Variants in CCDC197 observed in about 807,000 individuals in gnomAD.
CCDC197 encodes uncharacterized protein CCDC197.
In CCDC197, 24 loss-of-function variants were observed where a neutral mutation model predicts 13.4. The observed-to-expected ratio is 1.80, with a 90% CI of 1.30 to 2.53. The LOEUF is 2.53. Ranked by LOEUF, CCDC197 falls within the 30% of genes most tolerant of loss-of-function variation. The pLI is 0.00. For synonymous variants in CCDC197, 99 were observed against 55.5 expected (o/e 1.78, Z -3.48); for missense variants, 255 against 148.8 (o/e 1.71, Z -3.71).
Position 94,008,559 on chromosome 14 carries a change from C to T in CCDC197, c.616-50C>T, listed in dbSNP as rs545046808. On this transcript the variant is annotated intron_variant, in intron 6 of 6. Transcript: ENST00000636493. Reference sequence around the variant, plus strand: ...TGATGCTTTGGTACCTAGAAAGCAGCGTCCAGAGGCCAAAACACTGTCAGG... The same window carrying T: ...TGATGCTTTGGTACCTAGAAAGCAGTGTCCAGAGGCCAAAACACTGTCAGG... 35 of 684,166 alleles carry T rather than the reference C, an allele frequency of 5.1e-5. 1 individual carries two copies. Among genetic ancestry groups the T allele is most frequent in the Admixed American group, 1.0e-4 (5 of 49,534 alleles). The allele number at this position is 684,166 out of a possible 1,614,324, so 42.4% of individuals were successfully genotyped here.
chr14:94,009,302 C>T (rs115831733), downstream of CCDC197, among the ~76,000 whole-genome samples: 12 of 152,280 alleles, frequency 7.9e-5, no homozygotes, highest in African/African-American at 2.9e-4. Flanking sequence ...TCACTTTCTT[C>T]CAGAAGTTGA....
In CCDC197 at chr14:94,001,293, T is replaced by C. The variant is rs768677287; in HGVS notation, c.336T>C (p.Ser112=). The change falls in exon 4 of 7, where the codon TCT becomes TCC. Residue 112 remains serine, a synonymous_variant. Coordinates refer to ENST00000636493, the MANE Select transcript of CCDC197 (RefSeq NM_001351596.2). ...AGGCTGTCCACCGGAGCCTGGAGTC[T>C]CTGGAGGAGGACCACAGGGCTCTCA... The part of the protein sequence containing the change: ...MIQAVHRSLE[S]LEEDHRALML... 1.3e-6 allele frequency: 1 copy of C among 779,748 alleles called. No homozygotes were observed. 48.3% of individuals were successfully genotyped at this position (779,748 alleles called of 1,614,324 possible). A position where few individuals can be genotyped will look rare whatever the true frequency, so the allele number is the denominator to read the frequency against.
intron 1 of CCDC197, among the ~76,000 whole-genome samples, chr14:93,990,038 C>T (rs1890179962): frequency 1.3e-5 from 2 of 152,186 alleles, no homozygotes; most frequent in Non-Finnish European, 2.9e-5. Flanking sequence ...CCCATTGAAT[C>T]CCTCTCACCC....
chr14:94,001,271 C>T lies in CCDC197; in HGVS notation c.314C>T (p.Ala105Val). Reference protein sequence around the residue: ...RLEAFCQMIQAVHRSLESLEE... With the variant: ...RLEAFCQMIQVVHRSLESLEE... The stretch of plus-strand genomic sequence containing the variant: ...GAGGCCTTCTGCCAGATGATCCAGG[C>T]TGTCCACCGGAGCCTGGAGTCTCTG... The change falls in exon 4 of 7, where the codon GCT becomes GTT. Residue 105 changes from alanine (A) to valine (V), a missense_variant. By Grantham distance (64) the Ala-to-Val change is moderately conservative. Transcript: ENST00000636493. The T allele has an allele frequency of 1.3e-6, 1 of 780,828 alleles. No individual in the cohort carries two copies. The highest frequency in any genetic ancestry group is 1.7e-5 in the Admixed American group (1 of 59,008). The allele number at this position is 780,828 out of a possible 1,614,324, so 48.4% of individuals were successfully genotyped here.
chr14:93,996,499 C>A (rs930827338), upstream of CCDC197, among the ~76,000 whole-genome samples: 1 of 151,848 alleles, frequency 6.6e-6, no homozygotes, highest in Non-Finnish European at 1.5e-5. Flanking sequence ...AGACCTGAAC[C>A]CCCAGCCCTT....
At chr14:94,004,372 C>A (rs975750874) in intron 5 of CCDC197, among the ~76,000 whole-genome samples, 2 of 152,160 alleles carry the variant, frequency 1.3e-5, no homozygotes, top group East Asian at 3.9e-4. Flanking sequence ...ACTGACTGGG[C>A]CTCGAGGGAT....
intron 1 of CCDC197, among the ~76,000 whole-genome samples, chr14:93,992,193 G>A (rs764917175): frequency 3.9e-5 from 6 of 152,150 alleles, no homozygotes; most frequent in Admixed American, 1.3e-4. Flanking sequence ...GCTTTAAGAC[G>A]AGCTCTCTCT....
At chr14:94,002,931 A>G (rs1890569242) in intron 4 of CCDC197, among the ~76,000 whole-genome samples, 1 of 152,040 alleles carries the variant, frequency 6.6e-6, no homozygotes, top group African/African-American at 2.4e-5. Context: ...GTGACCTGAC[A>G]ATCATGGTGG....
intron 2 of CCDC197, among the ~76,000 whole-genome samples, chr14:93,999,000 G>T (rs772042099): frequency 1.3e-5 from 2 of 152,252 alleles, no homozygotes; most frequent in Non-Finnish European, 2.9e-5. Flanking sequence ...TGGGTCCAGA[G>T]CAGGTGACCT....
At chr14:94,008,960 G>A, downstream of CCDC197, 1 of 577,030 alleles carries the variant, frequency 1.7e-6, no homozygotes, top group Non-Finnish European at 3.1e-6. Flanking sequence ...CTAGGGTTGG[G>A]GGTGCTGCTC....
chr14:93,997,825 G>A (rs369400016), intron 1 of CCDC197, among the ~76,000 whole-genome samples, 174 bp from the exon 2 acceptor site: 12 of 152,288 alleles, frequency 7.9e-5, no homozygotes, highest in South Asian at 4.1e-4. Flanking sequence ...TTATAGGGCC[G>A]CAAGTGAAAC....
Position 93,999,549 on chromosome 14 carries a change from C to A in CCDC197, c.105-34C>A, listed in dbSNP as rs530273938. ...CAGGGGGTCCTGCGTGACCTGGGAG[C>A]CTCCAGGCCATGTTCCTGCATCTGG... On this transcript the variant is annotated intron_variant, in intron 2 of 6. Transcript: ENST00000636493. The A allele has an allele frequency of 3.7e-5, 29 of 779,794 alleles. No homozygotes were observed. The South Asian group carries it at 3.9e-4, about 10-fold the overall frequency. 48.3% of individuals were successfully genotyped at this position (779,794 alleles called of 1,614,324 possible).
At chr14:94,001,471 C>T (rs1420741321) in intron 4 of CCDC197, 148 bp downstream of exon 4, 4 of 549,896 alleles carry the variant, frequency 7.3e-6, no homozygotes, top group Admixed American at 3.4e-5. Context: ...GCTCCTGAGC[C>T]GCCTTCCATA....
At chr14:93,988,314 A>G (rs2141337284) in intron 1 of CCDC197, among the ~76,000 whole-genome samples, 1 of 53,030 alleles carries the variant, frequency 1.9e-5, no homozygotes, top group Non-Finnish European at 3.6e-5. Context: ...AATGGGAGGA[A>G]GGATGGAAGG....
chr14:93,995,752 C>T (rs1301274218), upstream of CCDC197, among the ~76,000 whole-genome samples: 2 of 152,150 alleles, frequency 1.3e-5, no homozygotes, highest in African/African-American at 4.8e-5. Context: ...ATCTCCAGGG[C>T]TGCCCTGAGC....
downstream of CCDC197, among the ~76,000 whole-genome samples, chr14:94,010,187 G>C (rs113002942): frequency 7.7e-6 from 1 of 129,792 alleles, no homozygotes; most frequent in African/African-American, 3.5e-5. Flanking sequence ...TTATATTTTG[G>C]GGTGTTTGTT....
chr14:93,988,701 C>T (rs150053281), intron 1 of CCDC197, among the ~76,000 whole-genome samples: 374 of 34,812 alleles, frequency 0.011, 8 homozygotes, highest in African/African-American at 0.045. Context: ...GGGAGAGGGG[C>T]GGAAGGAGGG....
At chr14:94,004,207 C>T (rs1890616889) in intron 5 of CCDC197, among the ~76,000 whole-genome samples, 1 of 152,176 alleles carries the variant, frequency 6.6e-6, no homozygotes, top group Admixed American at 6.5e-5. Context: ...ACCCCGGTTC[C>T]TCGCCATAAA....
upstream of CCDC197, among the ~76,000 whole-genome samples, chr14:93,993,823 A>C (rs1476540192): frequency 1.3e-5 from 2 of 152,184 alleles, no homozygotes; most frequent in Non-Finnish European, 2.9e-5. Flanking sequence ...TAACAGACAG[A>C]CTTGCCTTGG....
Sources: gnomAD v4.1 joint callset for allele counts (sites outside exome capture counted in the v4.1 genomes callset) on GRCh38, gnomAD v4.1.1 for gene constraint, MANE v1.5 for transcripts, NCBI Gene and HGNC (gene_info 2026-07-23, HGNC 2026-07-21) for gene names.